Variants in WASHC4 observed in about 807,000 individuals in gnomAD.
The protein encoded by WASHC4 is WASH complex subunit 4.
In WASHC4, 86 loss-of-function variants were observed where a neutral mutation model predicts 166.6. The observed-to-expected ratio is 0.52, with a 90% CI of 0.43 to 0.62. The LOEUF (loss-of-function observed/expected upper bound fraction) is 0.62. Among genes scored for constraint, WASHC4 ranks in the 20% least tolerant of loss-of-function variants. The pLI is 0.00. For synonymous variants in WASHC4, 446 were observed against 451.6 expected (o/e 0.99, Z 0.16); for missense variants, 1,262 against 1,382.4 (o/e 0.91, Z 1.38).
At position 105,114,263 on chromosome 12, in the gene WASHC4, A is replaced by G. The variant is rs199746725; in HGVS notation, c.249A>G (p.Glu83=). The G allele has an allele frequency of 6.2e-7, 1 of 1,609,970 alleles. No homozygotes were observed. The highest frequency in any genetic ancestry group is 2.2e-5 in the East Asian group (1 of 44,742). The change falls in exon 3 of 33, where the codon GAA becomes GAG. Residue 83 remains glutamate, a synonymous_variant. Transcript: ENST00000332180. ...CTCTTTTGGAACTCATAAAGACTGA[A>G]AACAAGGTACAGAATCCTAAATCTA... ...QSSLLELIKT[E]NKVLNKVITV...
Position 105,168,287 on chromosome 12 carries a change from G to A in WASHC4, c.*1356G>A, listed in dbSNP as rs558877082. On this transcript the variant is annotated 3_prime_UTR_variant, in exon 33 of 33. Transcript: ENST00000332180. The stretch of plus-strand genomic sequence containing the variant: ...TTAAAAGTCAGAAGAGACAGAATAT[G>A]TAGGAAATGTTTTTTGTTTATTATG... The A allele has an allele frequency of 2.0e-5, 3 of 152,632 alleles. No homozygotes were observed. Among genetic ancestry groups the A allele is most frequent in the Non-Finnish European group, 4.4e-5 (3 of 67,924 alleles). 9.5% of individuals were successfully genotyped at this position (152,632 alleles called of 1,614,324 possible). A position where few individuals can be genotyped will look rare whatever the true frequency, so the allele number is the denominator to read the frequency against.
intron 1 of WASHC4, 106 bp downstream of exon 1, chr12:105,107,967 G>T (rs1455758801): frequency 1.2e-6 from 1 of 844,690 alleles, no homozygotes; most frequent in East Asian, 2.7e-5. Context: ...CAGCCGTCTG[G>T]TGCGGGACAC....
chr12:105,153,985 T>C (rs1010526157), intron 26 of WASHC4, among the ~76,000 whole-genome samples: 2 of 152,140 alleles, frequency 1.3e-5, no homozygotes, highest in African/African-American at 4.8e-5. Flanking sequence ...TCCTTTTCAT[T>C]TTAATCCATC....
chr12:105,155,688 A>C (rs1170351975), intron 26 of WASHC4, among the ~76,000 whole-genome samples: 1 of 114,950 alleles, frequency 8.7e-6, no homozygotes, highest in East Asian at 2.6e-4. Flanking sequence ...TAAAAATACA[A>C]AAATTAGCCG....
intron 24 of WASHC4, 40 bp downstream of exon 24, chr12:105,147,186 C>A (rs545412226): frequency 9.1e-7 from 1 of 1,103,942 alleles, no homozygotes; most frequent in Non-Finnish European, 1.4e-6. Context: ...GTAATAGACC[C>A]GTTTAATAGC....
intron 13 of WASHC4, among the ~76,000 whole-genome samples, chr12:105,133,501 C>G (rs1882044866): frequency 6.6e-6 from 1 of 152,064 alleles, no homozygotes; most frequent in South Asian, 2.1e-4. Context: ...ATACAGCTCT[C>G]CTTTCTAGAA....
intron 26 of WASHC4, among the ~76,000 whole-genome samples, chr12:105,153,896 A>G (rs951886587): frequency 3.3e-5 from 5 of 152,130 alleles, no homozygotes; most frequent in Admixed American, 2.0e-4. Flanking sequence ...TAAATACATA[A>G]TCACTAAGTG....
chr12:105,139,220 G>C (rs1882581648), intron 15 of WASHC4, among the ~76,000 whole-genome samples: 1 of 151,782 alleles, frequency 6.6e-6, no homozygotes, highest in Non-Finnish European at 1.5e-5. Flanking sequence ...TTGTTGTGTA[G>C]TGGATAGACT....
chr12:105,118,296 G>T, intron 6 of WASHC4, 150 bp from the exon 7 acceptor site: 1 of 699,728 alleles, frequency 1.4e-6, no homozygotes. Flanking sequence ...GATTGCTTGA[G>T]GGATGCTTGA....
chr12:105,125,832 A>G (rs1416133464), intron 10 of WASHC4, among the ~76,000 whole-genome samples, 172 bp from the exon 11 acceptor site: 1 of 152,076 alleles, frequency 6.6e-6, no homozygotes, highest in Non-Finnish European at 1.5e-5. Flanking sequence ...TATATTTTTC[A>G]TTCACAAAGA....
chr12:105,133,801 T>C lies in WASHC4; in HGVS notation c.1231T>C (p.Ser411Pro). 8.1e-6 allele frequency: 13 copies of C among 1,612,422 alleles called. No individual in the cohort carries two copies. Among genetic ancestry groups the C allele is most frequent in the Non-Finnish European group, 1.1e-5 (13 of 1,178,784 alleles). ...ACAGTCTTACTACGTCTTTGTGAGCTCATGGATGATGAAAATGGAATCTAT... is the reference window on the plus strand; with the variant it reads ...ACAGTCTTACTACGTCTTTGTGAGCCCATGGATGATGAAAATGGAATCTAT... ...DVQSYYVFVSSWMMKMESILS... is the reference protein window; with the variant it reads ...DVQSYYVFVSPWMMKMESILS... The change falls in exon 14 of 33, where the codon TCA becomes CCA. Residue 411 changes from serine (S) to proline (P), a missense_variant. Coordinates refer to ENST00000332180, the MANE Select transcript of WASHC4 (RefSeq NM_015275.3).
intron 26 of WASHC4, 103 bp downstream of exon 26, chr12:105,152,554 G>A: frequency 1.3e-6 from 1 of 763,844 alleles, no homozygotes; most frequent in Non-Finnish European, 2.3e-6. Flanking sequence ...GAAAGCCTGA[G>A]CTCAGCTTTA....
chr12:105,158,220 C>T (rs1428892588), intron 28 of WASHC4, among the ~76,000 whole-genome samples: 2 of 152,076 alleles, frequency 1.3e-5, no homozygotes, highest in East Asian at 3.9e-4. Flanking sequence ...AAGCAAGAAT[C>T]CCCAGTGGTT....
intron 13 of WASHC4, among the ~76,000 whole-genome samples, chr12:105,132,263 C>T (rs1269173723): frequency 1.3e-5 from 2 of 152,184 alleles, no homozygotes; most frequent in Non-Finnish European, 2.9e-5. Context: ...CTTCCGCCTC[C>T]CGGGTTTAAG....
intron 26 of WASHC4, among the ~76,000 whole-genome samples, chr12:105,156,155 G>T (rs984721902): frequency 1.3e-5 from 2 of 152,212 alleles, no homozygotes; most frequent in African/African-American, 4.8e-5. Flanking sequence ...AAGACATTTG[G>T]CTTGAGCAAC....
chr12:105,144,470 T>G lies in WASHC4; in HGVS notation c.2179+15T>G. ...TGACATTCGGGGTGAGTGTTTTGCTTTCCTTCTTAGAGTCATATTCTCTTT... is the reference window on the plus strand; with the variant it reads ...TGACATTCGGGGTGAGTGTTTTGCTGTCCTTCTTAGAGTCATATTCTCTTT... On this transcript the variant is annotated intron_variant, in intron 21 of 32. Coordinates refer to ENST00000332180, the MANE Select transcript of WASHC4 (RefSeq NM_015275.3). The G allele has an allele frequency of 3.1e-6, 5 of 1,610,136 alleles. No individual in the cohort carries two copies. The highest frequency in any genetic ancestry group is 4.2e-6 in the Non-Finnish European group (5 of 1,176,784).
intron 18 of WASHC4, among the ~76,000 whole-genome samples, chr12:105,142,029 TTA>T (rs201928131): frequency 6.7e-6 from 1 of 150,172 alleles, no homozygotes; most frequent in African/African-American, 2.4e-5. Flanking sequence ...TTTTTTTTTT[TTA>T]AAAGATTTTT....
chr12:105,144,487 A>G (rs370328038), intron 21 of WASHC4, 32 bp downstream of exon 21: 15 of 1,478,574 alleles, frequency 1.0e-5, no homozygotes, highest in Non-Finnish European at 1.4e-5. Flanking sequence ...TTAGAGTCAT[A>G]TTCTCTTTTT....
intron 28 of WASHC4, 71 bp downstream of exon 28, chr12:105,157,393 T>C (rs1364113422): frequency 1.2e-6 from 1 of 845,902 alleles, no homozygotes; most frequent in Admixed American, 2.0e-5. Context: ...CAGAGGGTAA[T>C]ATGTAATTTT....
Sources: gnomAD v4.1 joint callset for allele counts (sites outside exome capture counted in the v4.1 genomes callset) on GRCh38, gnomAD v4.1.1 for gene constraint, MANE v1.5 for transcripts, NCBI Gene and HGNC (gene_info 2026-07-23, HGNC 2026-07-21) for gene names.